The following PEBP4 variants were observed in gnomAD, a reference collection of about 807,000 sequenced individuals.
PEBP4 encodes phosphatidylethanolamine-binding protein 4.
A neutral mutation model predicts 23.9 loss-of-function variants in PEBP4; 22 were observed. The observed-to-expected ratio is 0.92, with a 90% CI of 0.66 to 1.31. PEBP4 has a LOEUF of 1.31. Among genes scored for constraint, PEBP4 ranks in the 40% most tolerant of loss-of-function variants. The pLI is 0.00. For synonymous variants in PEBP4, 112 were observed against 99.3 expected (o/e 1.13, Z -0.76); for missense variants, 324 against 281.7 (o/e 1.15, Z -1.07).
At chr8:22,787,969 C>A (rs1806060931) in intron 4 of PEBP4, among the ~76,000 whole-genome samples, 1 of 152,090 alleles carries the variant, frequency 6.6e-6, no homozygotes, top group African/African-American at 2.4e-5. Context: ...GATGGGCCTA[C>A]AGAGCGTGCA....
At chr8:22,768,832 G>A (rs113056178) in intron 4 of PEBP4, among the ~76,000 whole-genome samples, 4,015 of 152,214 alleles carry the variant, frequency 0.026, 65 homozygotes, top group South Asian at 0.089. Flanking sequence ...CTGTGTCACC[G>A]GCAGATACGA....
chr8:22,773,085 T>C (rs1269543273), intron 4 of PEBP4, among the ~76,000 whole-genome samples: 1 of 146,282 alleles, frequency 6.8e-6, no homozygotes, highest in East Asian at 2.2e-4. Flanking sequence ...TACTTCTATC[T>C]ACCACCCAAC....
Position 22,920,292 on chromosome 8 carries a change from G to T in PEBP4, c.150C>A (p.Tyr50Ter). 2 of 1,613,312 alleles carry T rather than the reference G, an allele frequency of 1.2e-6. No individual in the cohort carries two copies. Among genetic ancestry groups the T allele is most frequent in the Non-Finnish European group, 1.7e-6 (2 of 1,179,364 alleles). Residue 50 changes from tyrosine to a stop codon, truncating the protein, a stop_gained, in exon 3 of 7, where the codon TAC becomes TAA. Coordinates refer to ENST00000256404, the MANE Select transcript of PEBP4 (RefSeq NM_144962.3). LOFTEE classifies it high-confidence loss of function. ...TLFCQGLEVFYPELGNIGCKV... is the reference protein window; with the variant it reads ...TLFCQGLEVF ...TGCAGCCAATGTTCCCCAACTCTGGGTAGAAAACTTCAAGGCCCCTATGAA... is the reference window on the plus strand; with the variant it reads ...TGCAGCCAATGTTCCCCAACTCTGGTTAGAAAACTTCAAGGCCCCTATGAA...
chr8:22,741,466 T>C (rs753121956), intron 4 of PEBP4, among the ~76,000 whole-genome samples: 3 of 152,190 alleles, frequency 2.0e-5, no homozygotes, highest in Non-Finnish European at 1.5e-5. Flanking sequence ...CCGGGAAGTT[T>C]GACAATCATA....
intron 3 of PEBP4, among the ~76,000 whole-genome samples, chr8:22,913,047 T>C (rs73555870): frequency 0.014 from 2,115 of 152,318 alleles, 44 homozygotes; most frequent in African/African-American, 0.046. Flanking sequence ...AACTCTTCTT[T>C]TGTGTCTTCT....
At chr8:22,746,430 G>A (rs766879945) in intron 4 of PEBP4, among the ~76,000 whole-genome samples, 2 of 152,150 alleles carry the variant, frequency 1.3e-5, no homozygotes, top group Non-Finnish European at 2.9e-5. Flanking sequence ...AGGATGGAGG[G>A]TGCGGTGGGG....
chr8:22,726,030 T>TGTGTGTGC (rs60294653), intron 5 of PEBP4, among the ~76,000 whole-genome samples: 4 of 148,818 alleles, frequency 2.7e-5, no homozygotes, highest in South Asian at 2.1e-4. Flanking sequence ...TGTGTGTGTG[T>TGTGTGTGC]GCACGCGCAT....
intron 4 of PEBP4, among the ~76,000 whole-genome samples, chr8:22,814,287 C>T (rs1271694601): frequency 6.6e-6 from 1 of 152,180 alleles, no homozygotes; most frequent in African/African-American, 2.4e-5. Context: ...TGCTCTTAAC[C>T]ACTGTGCTAT....
At chr8:22,760,760 C>T (rs917900713) in intron 4 of PEBP4, among the ~76,000 whole-genome samples, 4 of 152,108 alleles carry the variant, frequency 2.6e-5, no homozygotes, top group Non-Finnish European at 2.9e-5. Context: ...GTCCACAATA[C>T]GAGAAGGCTT....
At chr8:22,839,408 A>C (rs920578807) in intron 3 of PEBP4, among the ~76,000 whole-genome samples, 1 of 152,172 alleles carries the variant, frequency 6.6e-6, no homozygotes, top group Admixed American at 6.5e-5. Flanking sequence ...CTGGTGGATC[A>C]AGAAGGGCTG....
chr8:22,850,168 T>C (rs1482094570), intron 3 of PEBP4, among the ~76,000 whole-genome samples: 1 of 152,060 alleles, frequency 6.6e-6, no homozygotes, highest in Non-Finnish European at 1.5e-5. Flanking sequence ...CTTGAGGACT[T>C]GGCCAGTGAG....
intron 4 of PEBP4, among the ~76,000 whole-genome samples, chr8:22,813,955 G>T (rs758060327): frequency 4.3e-4 from 65 of 152,326 alleles, no homozygotes; most frequent in Non-Finnish European, 8.8e-4. Flanking sequence ...TAGAATAGAA[G>T]CCCTGTGAGG....
At chr8:22,805,075 T>C (rs1484323658) in intron 4 of PEBP4, among the ~76,000 whole-genome samples, 1 of 152,182 alleles carries the variant, frequency 6.6e-6, no homozygotes, top group African/African-American at 2.4e-5. Context: ...AATGGAGTCA[T>C]TGATTTTTCT....
chr8:22,905,252 T>C (rs922552756), intron 3 of PEBP4, among the ~76,000 whole-genome samples: 1 of 152,082 alleles, frequency 6.6e-6, no homozygotes, highest in African/African-American at 2.4e-5. Context: ...ACTTTCTTCT[T>C]TCTATAATCA....
intron 1 of PEBP4, among the ~76,000 whole-genome samples, chr8:22,941,028 G>C (rs1809606102): frequency 6.6e-6 from 1 of 152,106 alleles, no homozygotes; most frequent in Admixed American, 6.6e-5. Context: ...GGGCCCTTAA[G>C]GTAATCAGAG....
chr8:22,746,524 C>T (rs1805122724), intron 4 of PEBP4, among the ~76,000 whole-genome samples: 1 of 151,926 alleles, frequency 6.6e-6, no homozygotes, highest in South Asian at 2.1e-4. Context: ...CCTTCACTGC[C>T]TTCCCCTTCT....
intron 4 of PEBP4, among the ~76,000 whole-genome samples, chr8:22,732,710 G>A (rs1275440841): frequency 6.6e-6 from 1 of 152,146 alleles, no homozygotes; most frequent in African/African-American, 2.4e-5. Flanking sequence ...GTATGTGAGT[G>A]TAGGGTACTG....
At chr8:22,888,745 C>T (rs190593426) in intron 3 of PEBP4, among the ~76,000 whole-genome samples, 33 of 152,372 alleles carry the variant, frequency 2.2e-4, no homozygotes, top group Admixed American at 7.2e-4. Context: ...GTGTTCTGGG[C>T]CTCTGCCACC....
At chr8:22,901,425 G>C (rs932995954) in intron 3 of PEBP4, among the ~76,000 whole-genome samples, 2 of 152,190 alleles carry the variant, frequency 1.3e-5, no homozygotes, top group African/African-American at 4.8e-5. Flanking sequence ...TGCCCTCTTG[G>C]AACTACCTAG....
Sources: gnomAD v4.1 joint callset for allele counts (sites outside exome capture counted in the v4.1 genomes callset) on GRCh38, gnomAD v4.1.1 for gene constraint, MANE v1.5 for transcripts, NCBI Gene and HGNC (gene_info 2026-07-23, HGNC 2026-07-21) for gene names.